The following FTCDNL1 variants were observed in gnomAD, a reference collection of about 807,000 sequenced individuals.
FTCDNL1 encodes the protein formiminotransferase N-terminal subdomain-containing protein.
In FTCDNL1, 11 loss-of-function variants were observed where a neutral mutation model predicts 5.9. That is an observed-to-expected ratio of 1.87 (90% CI 1.18 to 3.10). FTCDNL1 has a LOEUF of 3.10. Ranked by LOEUF, FTCDNL1 falls within the 30% of genes most tolerant of loss-of-function variation. The pLI is 0.00. For missense variants in FTCDNL1, 115 were observed against 65.5 expected (o/e 1.76, Z -2.61); for synonymous variants, 58 against 24.8 (o/e 2.34, Z -3.99).
chr2:199,719,232 G>C, the FTCDNL1 span, among the ~76,000 whole-genome samples: 2 of 152,034 alleles, frequency 1.3e-5, no homozygotes, highest in Non-Finnish European at 2.9e-5. Flanking sequence ...TAAGAGGTAT[G>C]GGTCCAGTTT....
chr2:199,665,156 G>C, the FTCDNL1 span, among the ~76,000 whole-genome samples: 2 of 152,280 alleles, frequency 1.3e-5, no homozygotes, highest in Admixed American at 1.3e-4. Flanking sequence ...GGGATACACA[G>C]AAACCTGGGG....
chr2:199,698,859 T>G, the FTCDNL1 span, among the ~76,000 whole-genome samples: 2 of 151,838 alleles, frequency 1.3e-5, no homozygotes. Context: ...ATAAATGAGA[T>G]TGATAGACTG....
At position 199,812,672 on chromosome 2, in the gene FTCDNL1, G is replaced by T. The variant is rs912790519; in HGVS notation, c.*33C>A. On this transcript the variant is annotated 3_prime_UTR_variant, in exon 5 of 5. Transcript: ENST00000420128. ...GGCAGCACGGATCCCCTCACTGCAA[G>T]GCTGAAATTCCAATTTTCTTCCAAC... 32 of 697,600 alleles carry T rather than the reference G, an allele frequency of 4.6e-5. No individual in the cohort carries two copies. The highest frequency in any genetic ancestry group is 7.6e-5 in the Non-Finnish European group (29 of 383,104). 43.2% of individuals were successfully genotyped at this position (697,600 alleles called of 1,614,324 possible).
chr2:199,759,129 A>G (rs1698172178), downstream of FTCDNL1, among the ~76,000 whole-genome samples: 1 of 150,824 alleles, frequency 6.6e-6, no homozygotes, highest in Non-Finnish European at 1.5e-5. Context: ...ATGTGTATAT[A>G]TATTTGTGTG....
chr2:199,796,899 C>G (rs1038070992), intron 3 of FTCDNL1, among the ~76,000 whole-genome samples: 1 of 152,106 alleles, frequency 6.6e-6, no homozygotes, highest in Non-Finnish European at 1.5e-5. Context: ...TAGGACTATA[C>G]GCCTTAAGCC....
the FTCDNL1 span, among the ~76,000 whole-genome samples, chr2:199,746,872 T>C: frequency 6.6e-6 from 1 of 152,164 alleles, no homozygotes; most frequent in African/African-American, 2.4e-5. Context: ...TGCCAAACGA[T>C]GATCCTTCTT....
intron 3 of FTCDNL1, among the ~76,000 whole-genome samples, chr2:199,793,007 C>T (rs1416521092): frequency 1.3e-5 from 2 of 152,098 alleles, no homozygotes; most frequent in African/African-American, 4.8e-5. Flanking sequence ...GATTAGGGAG[C>T]ATACACACAA....
At chr2:199,830,003 C>T (rs1158257186) in intron 3 of FTCDNL1, among the ~76,000 whole-genome samples, 5 of 151,680 alleles carry the variant, frequency 3.3e-5, no homozygotes, top group Admixed American at 3.3e-4. Context: ...TCAAAAAGAG[C>T]ATTTTCCAAC....
the FTCDNL1 span, among the ~76,000 whole-genome samples, chr2:199,692,365 G>A: frequency 1.3e-5 from 2 of 152,114 alleles, no homozygotes; most frequent in Admixed American, 1.3e-4. Flanking sequence ...CTCGTTTTTT[G>A]TAATATGAAT....
the FTCDNL1 span, among the ~76,000 whole-genome samples, chr2:199,719,464 C>T: frequency 6.6e-6 from 1 of 152,082 alleles, no homozygotes; most frequent in African/African-American, 2.4e-5. Context: ...AAATGCGATA[C>T]CTTAAACTTT....
chr2:199,744,212 T>C, the FTCDNL1 span, among the ~76,000 whole-genome samples: 1 of 152,196 alleles, frequency 6.6e-6, no homozygotes, highest in Non-Finnish European at 1.5e-5. Flanking sequence ...TGAGATGGAC[T>C]CTTTAAGCCC....
chr2:199,785,108 G>C (rs1233401216), intron 3 of FTCDNL1, among the ~76,000 whole-genome samples: 1 of 152,044 alleles, frequency 6.6e-6, no homozygotes, highest in Admixed American at 6.6e-5. Context: ...TCCCTAACTT[G>C]AGTTATCTGT....
chr2:199,844,713 T>C (rs1363280154), intron 3 of FTCDNL1, among the ~76,000 whole-genome samples: 1 of 152,106 alleles, frequency 6.6e-6, no homozygotes, highest in African/African-American at 2.4e-5. Flanking sequence ...CCAATAGTCA[T>C]AAAACTTGAC....
chr2:199,742,240 C>T, the FTCDNL1 span, among the ~76,000 whole-genome samples: 1 of 152,136 alleles, frequency 6.6e-6, no homozygotes, highest in Non-Finnish European at 1.5e-5. Flanking sequence ...CTACCCCCAA[C>T]ACTTCCCTAA....
At chr2:199,714,525 G>T in the FTCDNL1 span, among the ~76,000 whole-genome samples, 20 of 152,136 alleles carry the variant, frequency 1.3e-4, no homozygotes, top group African/African-American at 4.3e-4. Context: ...AGAGATGAAG[G>T]CAAGTATGGG....
intron 3 of FTCDNL1, among the ~76,000 whole-genome samples, chr2:199,796,602 ATGTCCAGAT>A (rs1283358324): frequency 2.4e-4 from 36 of 152,300 alleles, no homozygotes; most frequent in Non-Finnish European, 4.3e-4. Context: ...CTTCAAGTCG[ATGTCCAGAT>A]TTTAAAGGAT....
At chr2:199,743,280 CA>C in the FTCDNL1 span, among the ~76,000 whole-genome samples, 1 of 152,194 alleles carries the variant, frequency 6.6e-6, no homozygotes, top group Non-Finnish European at 1.5e-5. Flanking sequence ...AAGTTGAGCT[CA>C]AATCCAGATC....
chr2:199,762,134 A>T (rs1178882233), intron 3 of FTCDNL1, among the ~76,000 whole-genome samples: 2 of 152,202 alleles, frequency 1.3e-5, no homozygotes, highest in African/African-American at 4.8e-5. Flanking sequence ...TAATCCCAGC[A>T]CTTTGGGAGG....
the FTCDNL1 span, among the ~76,000 whole-genome samples, chr2:199,709,613 G>A: frequency 6.6e-6 from 1 of 152,066 alleles, no homozygotes; most frequent in South Asian, 2.1e-4. Flanking sequence ...TCAGAGGGCT[G>A]GGGTGATTAA....
Sources: gnomAD v4.1 joint callset for allele counts (sites outside exome capture counted in the v4.1 genomes callset) on GRCh38, gnomAD v4.1.1 for gene constraint, MANE v1.5 for transcripts, NCBI Gene and HGNC (gene_info 2026-07-23, HGNC 2026-07-21) for gene names.